Variants in PLSCR2 observed in about 807,000 individuals in gnomAD.
The protein encoded by PLSCR2 is phospholipid scramblase 2.
In PLSCR2, 18 loss-of-function variants were observed where a neutral mutation model predicts 25.3. That is an observed-to-expected ratio of 0.71 (90% CI 0.49 to 1.06). The LOEUF is 1.06. PLSCR2 is among the 50% of genes least tolerant of loss of function. The pLI, the probability that PLSCR2 is intolerant of heterozygous loss-of-function variation, is 0.00. For missense variants in PLSCR2, 243 were observed against 269.5 expected, an observed-to-expected ratio of 0.90 and a Z score of 0.69; for synonymous variants, 88 against 87.3, an observed-to-expected ratio of 1.01 and a Z score of -0.04.
intron 2 of PLSCR2, among the ~76,000 whole-genome samples, chr3:146,415,851 G>A (rs1030168195): frequency 2.0e-5 from 3 of 152,060 alleles, no homozygotes; most frequent in Admixed American, 6.6e-5. Context: ...GGTTTCTAAC[G>A]CACAAGCAAT....
At chr3:146,397,525 T>C (rs2038315050) in intron 2 of PLSCR2, among the ~76,000 whole-genome samples, 1 of 152,150 alleles carries the variant, frequency 6.6e-6, no homozygotes, top group Admixed American at 6.5e-5. Flanking sequence ...ATGGAAAAGA[T>C]GACTTTCTTA....
upstream of PLSCR2, among the ~76,000 whole-genome samples, chr3:146,463,181 G>C (rs1196948154): frequency 1.3e-5 from 2 of 152,162 alleles, no homozygotes; most frequent in East Asian, 3.9e-4. Context: ...CTTTGTACTT[G>C]GTATTTCTTT....
At chr3:146,461,717 A>C, upstream of PLSCR2, 1 of 612,130 alleles carries the variant, frequency 1.6e-6, no homozygotes, top group Non-Finnish European at 2.9e-6. Flanking sequence ...GTGAGAGAGG[A>C]GAGTCATAAG....
At chr3:146,455,127 T>C (rs2041125475) in intron 4 of PLSCR2, 112 bp downstream of exon 4, 9 of 705,674 alleles carry the variant, frequency 1.3e-5, no homozygotes, top group South Asian at 5.5e-5. Context: ...CCCAAACATA[T>C]AGCTCATGGA....
intron 2 of PLSCR2, among the ~76,000 whole-genome samples, chr3:146,409,721 A>C (rs1441427101): frequency 1.3e-5 from 2 of 152,110 alleles, no homozygotes; most frequent in African/African-American, 4.8e-5. Context: ...CATACATTGG[A>C]GAGGGCTCCA....
At chr3:146,394,325 T>G in intron 3 of PLSCR2, among the ~76,000 whole-genome samples, 1 of 152,054 alleles carries the variant, frequency 6.6e-6, no homozygotes, top group Non-Finnish European at 1.5e-5. Flanking sequence ...TGGAGTGCAG[T>G]GGTGCAATCT....
chr3:146,478,293 A>G (rs2042995394), intron 1 of PLSCR2, among the ~76,000 whole-genome samples: 1 of 152,204 alleles, frequency 6.6e-6, no homozygotes, highest in Non-Finnish European at 1.5e-5. Flanking sequence ...AACTTCTCTG[A>G]GCTAAAGGAG....
intron 3 of PLSCR2, among the ~76,000 whole-genome samples, chr3:146,456,527 A>C (rs2041232654): frequency 6.6e-6 from 1 of 152,254 alleles, no homozygotes; most frequent in African/African-American, 2.4e-5. Context: ...TAATTGTTTA[A>C]TTATGTAACT....
chr3:146,457,163 A>G (rs779176332), intron 3 of PLSCR2, among the ~76,000 whole-genome samples: 28 of 152,240 alleles, frequency 1.8e-4, no homozygotes, highest in Non-Finnish European at 4.1e-4. Flanking sequence ...TATGTTAATG[A>G]AATTCATTAC....
At chr3:146,459,822 T>G in intron 2 of PLSCR2, 26 bp downstream of exon 2, 6 of 1,447,538 alleles carry the variant, frequency 4.1e-6, no homozygotes, top group Non-Finnish European at 5.7e-6. Flanking sequence ...TTTTTTTTTC[T>G]GAGTATTTTA....
intron 1 of PLSCR2, among the ~76,000 whole-genome samples, chr3:146,470,070 A>AT (rs931520759): frequency 1.3e-5 from 2 of 152,030 alleles, no homozygotes; most frequent in Admixed American, 1.3e-4. Context: ...GGTCGAGATT[A>AT]TTTTATCTCT....
At chr3:146,477,173 A>G (rs2042316853) in intron 1 of PLSCR2, among the ~76,000 whole-genome samples, 1 of 152,230 alleles carries the variant, frequency 6.6e-6, no homozygotes, top group Non-Finnish European at 1.5e-5. Flanking sequence ...TGATCGATGC[A>G]GAAGATGGGG....
At chr3:146,452,399 A>T (rs1450292791) in intron 5 of PLSCR2, among the ~76,000 whole-genome samples, 1 of 152,236 alleles carries the variant, frequency 6.6e-6, no homozygotes, top group East Asian at 1.9e-4. Flanking sequence ...ATAAATGCAA[A>T]AAATGCAAAT....
chr3:146,452,900 T>C (rs2040983252), intron 5 of PLSCR2, among the ~76,000 whole-genome samples: 1 of 151,890 alleles, frequency 6.6e-6, no homozygotes, highest in Non-Finnish European at 1.5e-5. Flanking sequence ...CACACCCATA[T>C]ATACCCACAC....
At position 146,479,986 on chromosome 3, in the gene PLSCR2, A is replaced by G. The variant is rs368920226; in HGVS notation, c.-293+15909T>C. On this transcript the variant is annotated intron_variant, in intron 1 of 8. Transcript: ENST00000336685. ...CTGGACAACCTGCTCCTGAATGACT[A>G]CTGGGTAAATAACAAAATGAAGGCA... Among the ~76,000 whole-genome samples, 1,036 of 152,326 alleles carry G rather than the reference A, an allele frequency of 6.8e-3. 14 individuals carry two copies. Among genetic ancestry groups the G allele is most frequent in the South Asian group, 0.023 (110 of 4,824 alleles).
chr3:146,475,157 T>A (rs2042241558), intron 1 of PLSCR2, among the ~76,000 whole-genome samples: 1 of 152,146 alleles, frequency 6.6e-6, no homozygotes, highest in African/African-American at 2.4e-5. Context: ...ATCCATCTGA[T>A]CCTTTGTCCA....
At chr3:146,490,672 T>C (rs1047372829) in intron 1 of PLSCR2, among the ~76,000 whole-genome samples, 2 of 152,138 alleles carry the variant, frequency 1.3e-5, no homozygotes, top group African/African-American at 4.8e-5. Context: ...TATCAATTCC[T>C]GCTGTTTTTC....
At chr3:146,468,678 T>A (rs1463932790) in intron 1 of PLSCR2, among the ~76,000 whole-genome samples, 1 of 152,238 alleles carries the variant, frequency 6.6e-6, no homozygotes, top group Non-Finnish European at 1.5e-5. Flanking sequence ...AGTTTTCCTT[T>A]CTTCTTTATA....
chr3:146,454,061 C>A, exon 5 of PLSCR2: 1 of 1,610,074 alleles, frequency 6.2e-7, no homozygotes, highest in Non-Finnish European at 8.5e-7. Context: ...ATTTTTAGTA[C>A]ATCCTCTCTT....
Sources: allele counts gnomAD v4.1 joint callset (sites outside exome capture counted in the v4.1 genomes callset), GRCh38; gene constraint gnomAD v4.1.1; transcripts MANE v1.5; gene names NCBI Gene and HGNC (gene_info 2026-07-23, HGNC 2026-07-21).